The following SLC41A3 variants were observed in gnomAD, a reference collection of about 807,000 sequenced individuals.
The protein encoded by SLC41A3 is SLC41A1-like 2.
Under a neutral mutation model 45.4 loss-of-function variants are expected in SLC41A3, and 44 were observed. The ratio of observed to expected loss-of-function variants is 0.97; its 90% CI spans 0.76 to 1.25. SLC41A3 has a LOEUF of 1.25. Among genes scored for constraint, SLC41A3 ranks in the 50% most tolerant of loss-of-function variants. The pLI is 0.00. For synonymous variants in SLC41A3, 256 were observed against 252.4 expected (o/e 1.01, Z -0.13); for missense variants, 550 against 600.6 (o/e 0.92, Z 0.88).
At chr3:126,046,183 C>G (rs1188424704) in intron 3 of SLC41A3, among the ~76,000 whole-genome samples, 1 of 152,150 alleles carries the variant, frequency 6.6e-6, no homozygotes, top group Non-Finnish European at 1.5e-5. Flanking sequence ...AGATCAGGAA[C>G]AGGACAAGGA....
intron 3 of SLC41A3, among the ~76,000 whole-genome samples, chr3:126,039,696 T>C (rs1292277348): frequency 6.6e-6 from 1 of 152,230 alleles, no homozygotes; most frequent in Non-Finnish European, 1.5e-5. Flanking sequence ...AGGCAGTATA[T>C]CCAAGATTTG....
At chr3:126,059,296 A>AAGAGAG (rs1489078463) in intron 2 of SLC41A3, among the ~76,000 whole-genome samples, 1 of 99,530 alleles carries the variant, frequency 1.0e-5, no homozygotes, top group Non-Finnish European at 2.3e-5. Context: ...GAAAGAAAGA[A>AAGAGAG]AGAAAGAAAG....
At chr3:126,023,019 G>A in intron 5 of SLC41A3, 87 bp from the exon 6 acceptor site, 9 of 1,544,034 alleles carry the variant, frequency 5.8e-6, no homozygotes, top group Middle Eastern at 1.7e-4. Flanking sequence ...GGGATGGGCG[G>A]CACTGAGTAG....
At chr3:126,064,197 A>T (rs548933546) in intron 2 of SLC41A3, among the ~76,000 whole-genome samples, 2 of 152,056 alleles carry the variant, frequency 1.3e-5, no homozygotes, top group Non-Finnish European at 2.9e-5. Flanking sequence ...TGGAGAAAGC[A>T]AGATAATGTG....
chr3:126,006,864 G>A lies in SLC41A3; in HGVS notation c.*152C>T, dbSNP rs1004067337. 6.3e-5 allele frequency: 95 copies of A among 1,496,940 alleles called. No individual in the cohort carries two copies. The highest frequency in any genetic ancestry group is 1.7e-5 in the Non-Finnish European group (19 of 1,129,790). 92.7% of individuals were successfully genotyped at this position (1,496,940 alleles called of 1,614,324 possible). Reference sequence around the variant, plus strand: ...GCTCAGGTATCAACCCCAGAGCCGAGGTGTGTGAGAGCTACCTTAGCAGAC... The same window carrying A: ...GCTCAGGTATCAACCCCAGAGCCGAAGTGTGTGAGAGCTACCTTAGCAGAC... On this transcript the variant is annotated 3_prime_UTR_variant, in exon 11 of 11. Coordinates refer to ENST00000360370, the MANE Select transcript of SLC41A3 (RefSeq NM_017836.4).
intron 2 of SLC41A3, among the ~76,000 whole-genome samples, chr3:126,057,698 T>A (rs539194623): frequency 4.6e-5 from 7 of 152,086 alleles, no homozygotes; most frequent in Non-Finnish European, 7.4e-5. Context: ...CCCAAGGCTG[T>A]CCCTGCAACC....
chr3:126,016,614 G>C, intron 7 of SLC41A3, 117 bp downstream of exon 7: 1 of 1,319,524 alleles, frequency 7.6e-7, no homozygotes, highest in Non-Finnish European at 1.0e-6. Context: ...TACTGAAAGA[G>C]CCCACAGCTA....
At chr3:126,065,994 C>A (rs1944329048) in intron 2 of SLC41A3, among the ~76,000 whole-genome samples, 4 of 152,202 alleles carry the variant, frequency 2.6e-5, no homozygotes, top group Admixed American at 2.0e-4. Flanking sequence ...AGGCCCCCGA[C>A]CCTGCCTCCT....
chr3:126,064,587 A>T (rs1001714473), intron 2 of SLC41A3, among the ~76,000 whole-genome samples: 2 of 152,094 alleles, frequency 1.3e-5, no homozygotes, highest in African/African-American at 4.8e-5. Flanking sequence ...CCAGCAGAGT[A>T]AAGAGGAGGC....
chr3:126,054,393 C>T (rs988207180), intron 2 of SLC41A3, among the ~76,000 whole-genome samples: 3 of 152,100 alleles, frequency 2.0e-5, no homozygotes, highest in East Asian at 1.9e-4. Flanking sequence ...TGCTCTCCTA[C>T]GTGTCTATGC....
At chr3:126,071,228 C>A (rs895486105) in intron 1 of SLC41A3, among the ~76,000 whole-genome samples, 2 of 151,956 alleles carry the variant, frequency 1.3e-5, no homozygotes, top group African/African-American at 4.8e-5. Flanking sequence ...AAACAATAAC[C>A]AAAAGATAAC....
Position 126,007,319 on chromosome 3 carries a change from G to A in SLC41A3, c.1255-94C>T, listed in dbSNP as rs1351508405. ...GCTGAGGCTCAAGGAGAGATACCAA[G>A]GTGGACAGGTCAACCCCAGCCAGCC... On this transcript the variant is annotated intron_variant, in intron 10 of 10. Coordinates refer to ENST00000360370, the MANE Select transcript of SLC41A3 (RefSeq NM_017836.4). 2.2e-6 allele frequency: 3 copies of A among 1,370,424 alleles called. No individual in the cohort carries two copies. In the African/African-American group the frequency reaches 4.3e-5, roughly 20 times the overall value. 84.9% of individuals were successfully genotyped at this position (1,370,424 alleles called of 1,614,324 possible).
intron 2 of SLC41A3, among the ~76,000 whole-genome samples, chr3:126,052,804 T>A (rs561449527): frequency 6.6e-6 from 1 of 152,090 alleles, no homozygotes; most frequent in Non-Finnish European, 1.5e-5. Flanking sequence ...ATACCGATCT[T>A]CCTTCCTGCT....
At position 126,033,650 on chromosome 3, in the gene SLC41A3, T is replaced by TG. The variant is rs1297856789; in HGVS notation, c.409dup (p.Gln137ProfsTer105). On this transcript the variant is annotated frameshift_variant, in exon 4 of 11. Coordinates refer to ENST00000360370, the MANE Select transcript of SLC41A3 (RefSeq NM_017836.4). LOFTEE classifies it high-confidence loss of function. The stretch of plus-strand genomic sequence containing the variant: ...GCTGCTGATGACTCTGTGCTGCTCC[T>TG]GGGGGTCATCAATTTGTCCAGTGTT... The TG allele has an allele frequency of 2.0e-5, 32 of 1,613,026 alleles. No individual in the cohort carries two copies. The highest frequency in any genetic ancestry group is 3.3e-5 in the Admixed American group (2 of 59,956).
Position 126,051,022 on chromosome 3 carries a change from T to C in SLC41A3, c.302A>G (p.Asp101Gly). The C allele has an allele frequency of 6.2e-7, 1 of 1,611,542 alleles. No individual in the cohort carries two copies. Among genetic ancestry groups the C allele is most frequent in the East Asian group, 2.2e-5 (1 of 44,814 alleles). Residue 101 changes from aspartate (D) to glycine (G), a missense_variant, in exon 3 of 11, where the codon GAC becomes GGC. Coordinates refer to ENST00000360370, the MANE Select transcript of SLC41A3 (RefSeq NM_017836.4). ...QHWPVFVEVK[D>G]LLTLVPPLVG... ...CAGGGGCGGCACCAATGTCAAAAGGTCTTTCACCTCCACAAACACAGGCCA... is the reference window on the plus strand; with the variant it reads ...CAGGGGCGGCACCAATGTCAAAAGGCCTTTCACCTCCACAAACACAGGCCA...
chr3:126,033,059 C>T (rs1941920708), intron 4 of SLC41A3, among the ~76,000 whole-genome samples: 1 of 152,054 alleles, frequency 6.6e-6, no homozygotes, highest in Admixed American at 6.5e-5. Flanking sequence ...GGAACTGGGA[C>T]CTGGGAGAAG....
intron 2 of SLC41A3, among the ~76,000 whole-genome samples, chr3:126,063,949 A>ACCCCCCCCCCCCCCC (rs56806357): frequency 2.9e-5 from 3 of 102,094 alleles, no homozygotes; most frequent in African/African-American, 3.4e-5. Flanking sequence ...GCCAGATCCA[A>ACCCCCCCCCCCCCCC]CCCCCCCCCG....
intron 6 of SLC41A3, 83 bp from the exon 7 acceptor site, chr3:126,016,958 G>A: frequency 6.4e-7 from 1 of 1,559,862 alleles, no homozygotes. Flanking sequence ...CAAATGAGAG[G>A]TGGGTGAGGA....
At chr3:126,093,680 TCTG>T (rs1945538418) in intron 1 of SLC41A3, among the ~76,000 whole-genome samples, 1 of 152,252 alleles carries the variant, frequency 6.6e-6, no homozygotes, top group Non-Finnish European at 1.5e-5. Context: ...TATATCTACT[TCTG>T]TTCCCTGGAA....
Sources: gnomAD v4.1 joint callset for allele counts (sites outside exome capture counted in the v4.1 genomes callset) on GRCh38, gnomAD v4.1.1 for gene constraint, MANE v1.5 for transcripts, NCBI Gene and HGNC (gene_info 2026-07-23, HGNC 2026-07-21) for gene names.